The following CPAMD8 variants were observed in gnomAD, a reference collection of about 807,000 sequenced individuals.
CPAMD8 encodes the protein C3 and PZP-like alpha-2-macroglobulin domain-containing protein 8.
CPAMD8 carries 146 observed loss-of-function variants against 224.7 expected under a neutral mutation model. The observed-to-expected ratio is 0.65, with a 90% CI of 0.57 to 0.75. CPAMD8 has a LOEUF of 0.75. Among genes scored for constraint, CPAMD8 ranks in the 30% least tolerant of loss-of-function variants. The pLI, the probability that CPAMD8 is intolerant of heterozygous loss-of-function variation, is 0.00. For synonymous variants in CPAMD8, 966 were observed against 1,044.6 expected, an observed-to-expected ratio of 0.92 and a Z score of 1.45; for missense variants, 2,301 against 2,537.5, an observed-to-expected ratio of 0.91 and a Z score of 2.00.
At position 17,026,697 on chromosome 19, in the gene CPAMD8, C is replaced by T. The variant is rs1312765862; in HGVS notation, c.-55G>A. The T allele has an allele frequency of 4.3e-5, 56 of 1,296,616 alleles. No individual in the cohort carries two copies. The highest frequency in any genetic ancestry group is 4.9e-5 in the Non-Finnish European group (50 of 1,024,450). The allele number at this position is 1,296,616 out of a possible 1,614,324, so 80.3% of individuals were successfully genotyped here. On this transcript the variant is annotated 5_prime_UTR_variant, in exon 1 of 42. The change creates a premature stop within an existing upstream ORF in the 5' untranslated region. Coordinates refer to ENST00000443236, the MANE Select transcript of CPAMD8 (RefSeq NM_015692.5). The stretch of plus-strand genomic sequence containing the variant: ...GGGAGGGGGCCGGGCCAGGGCTGGG[C>T]CAGGGCCAGGGTCCGAGCGCGGCCG...
chr19:16,998,667 G>A (rs558967337), intron 10 of CPAMD8, among the ~76,000 whole-genome samples: 5 of 152,104 alleles, frequency 3.3e-5, no homozygotes, highest in Non-Finnish European at 7.4e-5. Flanking sequence ...CTGTTGTACT[G>A]TAGCCCACTC....
rs991896900 is a variant in CPAMD8, at chr19:16,930,562, G to A, written c.2846-1322C>T. 3.3e-5 allele frequency among the ~76,000 whole-genome samples: 5 copies of A among 152,176 alleles called. No homozygotes were observed. In the East Asian group the frequency reaches 7.7e-4, roughly 23 times the overall value. On this transcript the variant is annotated intron_variant, in intron 23 of 41. Coordinates refer to ENST00000443236, the MANE Select transcript of CPAMD8 (RefSeq NM_015692.5). The stretch of plus-strand genomic sequence containing the variant: ...GGAAATAATACATGGTGCTTGGCGG[G>A]AATCAGCTGGGGGCCGGGAGTAGCT...
intron 21 of CPAMD8, 77 bp downstream of exon 21, chr19:16,946,997 T>G (rs755272148): frequency 2.9e-5 from 43 of 1,463,974 alleles, no homozygotes; most frequent in Non-Finnish European, 4.0e-5. Flanking sequence ...CCACCCCTCA[T>G]CCCCAACTCG....
chr19:16,975,655 C>A (rs2055241879), intron 16 of CPAMD8, among the ~76,000 whole-genome samples: 1 of 152,142 alleles, frequency 6.6e-6, no homozygotes, highest in Admixed American at 6.6e-5. Flanking sequence ...CTACAGTGAG[C>A]TATGATCACG....
In CPAMD8 at chr19:16,894,895, G is replaced by A. The variant is rs2227362; in HGVS notation, c.5426+1281C>T. 1,795 of 209,390 alleles carry A rather than the reference G, an allele frequency of 8.6e-3. 39 individuals are homozygous for A. Among genetic ancestry groups the A allele is most frequent in the African/African-American group, 0.038 (1,644 of 42,782 alleles). The allele number at this position is 209,390 out of a possible 1,614,324, so 13.0% of individuals were successfully genotyped here. Reference sequence around the variant, plus strand: ...GAACAGCCATGGCACTCCAGCTTGGGCAACATACAGAGACCCCATCTCTAC... The same window carrying A: ...GAACAGCCATGGCACTCCAGCTTGGACAACATACAGAGACCCCATCTCTAC... On this transcript the variant is annotated intron_variant, in intron 41 of 41. Coordinates refer to ENST00000443236, the MANE Select transcript of CPAMD8 (RefSeq NM_015692.5).
rs1599860074 is a variant in CPAMD8, at chr19:16,990,681, G to A, written c.1267-910C>T. On this transcript the variant is annotated intron_variant, in intron 12 of 41. Transcript: ENST00000443236. ...AGATCGAGACCATCCTGGCCAACAT[G>A]GTGAAACCCTGTCTCTACTAAAATA... Among the ~76,000 whole-genome samples the A allele has an allele frequency of 2.6e-5, 4 of 151,788 alleles. No individual in the cohort carries two copies. The South Asian group carries it at 8.3e-4, about 32-fold the overall frequency.
intron 15 of CPAMD8, among the ~76,000 whole-genome samples, chr19:16,976,805 G>A (rs963976663): frequency 1.3e-5 from 2 of 152,058 alleles, no homozygotes; most frequent in East Asian, 3.9e-4. Flanking sequence ...ACTTCGGGAG[G>A]CTGAAGCATG....
chr19:16,929,262 G>A lies in CPAMD8; in HGVS notation c.2846-22C>T, dbSNP rs776752999. ...CTCTCTGGATGGAGGAAAGGAGATG[G>A]GGAGTTGAGAGGGCACCTGGAGGCA... On this transcript the variant is annotated intron_variant, in intron 23 of 41. Coordinates refer to ENST00000443236, the MANE Select transcript of CPAMD8 (RefSeq NM_015692.5). 86 of 1,574,982 alleles carry A rather than the reference G, an allele frequency of 5.5e-5. No homozygotes were observed. In the Admixed American group the frequency reaches 1.4e-3, roughly 26 times the overall value.
chr19:16,929,198 T>A lies in CPAMD8; in HGVS notation c.2888A>T (p.Tyr963Phe). The A allele has an allele frequency of 1.2e-6, 2 of 1,611,682 alleles. No individual in the cohort carries two copies. The highest frequency in any genetic ancestry group is 1.7e-6 in the Non-Finnish European group (2 of 1,178,052). ...ISTPNKYEFQ[Y>F]VQRPLRLTRF... ...GGTGAGGCGCAGTGGCCGCTGCACATACTGGAACTCATACTTGTTGGGGGT... is the reference window on the plus strand; with the variant it reads ...GGTGAGGCGCAGTGGCCGCTGCACAAACTGGAACTCATACTTGTTGGGGGT... Residue 963 changes from tyrosine (Y) to phenylalanine (F), a missense_variant, in exon 24 of 42, where the codon TAT becomes TTT. Coordinates refer to ENST00000443236, the MANE Select transcript of CPAMD8 (RefSeq NM_015692.5).
rs559417327 is a variant in CPAMD8, at chr19:16,929,153, C to T, written c.2933G>A (p.Arg978Gln). 5.6e-6 allele frequency: 9 copies of T among 1,614,086 alleles called. No homozygotes were observed. The highest frequency in any genetic ancestry group is 2.2e-5 in the East Asian group (1 of 44,884). ...GGCCACACGGGCATCATTGTGAGCT[C>T]GCACAGCCACATCAAAGCGGGTGAG... Reference protein sequence around the residue: ...LRLTRFDVAVRAHNDARVALS... With the variant: ...LRLTRFDVAVQAHNDARVALS... The change falls in exon 24 of 42, where the codon CGA becomes CAA. Residue 978 changes from arginine to glutamine, a missense_variant. Around this residue, in one of 4 missense-constraint regions of CPAMD8, gnomAD observed 1,709 missense variants for 1,753.2 expected, o/e 0.97. Transcript: ENST00000443236.
At chr19:16,940,326 A>AT (rs2053845552) in intron 22 of CPAMD8, among the ~76,000 whole-genome samples, 1 of 152,188 alleles carries the variant, frequency 6.6e-6, no homozygotes. Flanking sequence ...GAGTGTGTTT[A>AT]TATAACAAAT....
rs747272747 is a variant in CPAMD8, at chr19:16,957,919, T to A, written c.2214-4A>T. ...AGTCCTTTTTCTCTTCTCTGTTCTATGAAAAGAAAAAAAGAAACGATTAAG... is the reference window on the plus strand; with the variant it reads ...AGTCCTTTTTCTCTTCTCTGTTCTAAGAAAAGAAAAAAAGAAACGATTAAG... On this transcript the variant is annotated splice_region_variant and splice_polypyrimidine_tract_variant and intron_variant, in intron 18 of 41. Coordinates refer to ENST00000443236, the MANE Select transcript of CPAMD8 (RefSeq NM_015692.5). 2.5e-6 allele frequency: 4 copies of A among 1,611,812 alleles called. No homozygotes were observed. The highest frequency in any genetic ancestry group is 3.4e-6 in the Non-Finnish European group (4 of 1,179,110).
intron 23 of CPAMD8, among the ~76,000 whole-genome samples, chr19:16,935,004 C>T (rs566850856): frequency 1.3e-5 from 2 of 152,272 alleles, no homozygotes; most frequent in East Asian, 3.9e-4. Flanking sequence ...CTCTTGTAAA[C>T]ACCATTCTAC....
chr19:17,010,277 G>A (rs957334406), intron 5 of CPAMD8, among the ~76,000 whole-genome samples: 20 of 151,444 alleles, frequency 1.3e-4, no homozygotes, highest in Admixed American at 5.9e-4. Flanking sequence ...TTTGCTGCCC[G>A]GGCTGGAGTT....
chr19:16,947,373 T>G, intron 20 of CPAMD8, 146 bp from the exon 21 acceptor site: 1 of 1,013,176 alleles, frequency 9.9e-7, no homozygotes, highest in Non-Finnish European at 1.4e-6. Flanking sequence ...AAGGTCCCCT[T>G]TCCATTTCCG....
intron 9 of CPAMD8, 92 bp downstream of exon 9, chr19:17,002,174 G>T: frequency 2.4e-6 from 2 of 819,272 alleles, no homozygotes; most frequent in African/African-American, 1.7e-5. Context: ...GAGGGAGGCA[G>T]CAGAGGAGGG....
At chr19:16,963,841 G>C (rs759001710) in intron 18 of CPAMD8, among the ~76,000 whole-genome samples, 3 of 151,058 alleles carry the variant, frequency 2.0e-5, no homozygotes, top group Non-Finnish European at 4.5e-5. Flanking sequence ...ACAACAAACT[G>C]TCAGACCACA....
At chr19:16,941,665 G>A (rs1443917164) in intron 22 of CPAMD8, among the ~76,000 whole-genome samples, 1 of 152,160 alleles carries the variant, frequency 6.6e-6, no homozygotes, top group East Asian at 1.9e-4. Context: ...GAGTTCTCAT[G>A]AGATCTGGTT....
intron 19 of CPAMD8, among the ~76,000 whole-genome samples, chr19:16,956,239 C>A (rs539461365): frequency 1.3e-5 from 2 of 152,290 alleles, no homozygotes; most frequent in African/African-American, 4.8e-5. Flanking sequence ...TGTGGAAATC[C>A]ACCAGCCTCT....
Sources: allele counts gnomAD v4.1 joint callset (sites outside exome capture counted in the v4.1 genomes callset), GRCh38; gene constraint gnomAD v4.1.1; regional missense constraint gnomAD v4.1.1; transcripts MANE v1.5; gene names NCBI Gene and HGNC (gene_info 2026-07-23, HGNC 2026-07-21).